The following HPCAL1 variants were observed in gnomAD, a reference collection of about 807,000 sequenced individuals.
HPCAL1 encodes the protein hippocalcin like 1.
HPCAL1 carries 8 observed loss-of-function variants against 17.1 expected under a neutral mutation model. The observed-to-expected ratio is 0.47, with a 90% confidence interval of 0.27 to 0.84. The LOEUF is 0.84. Ranked by LOEUF, HPCAL1 falls within the 40% of genes least tolerant of loss-of-function variation. The pLI is 0.13. For synonymous variants in HPCAL1, 112 were observed against 111.4 expected (o/e 1.01, Z -0.03); for missense variants, 165 against 271.1 (o/e 0.61, Z 2.75).
In HPCAL1 at chr2:10,359,656, T is replaced by A. The variant is rs1321015173; in HGVS notation, c.-110-37179T>A. Among the ~76,000 whole-genome samples, 1 of 152,174 alleles carries A rather than the reference T, an allele frequency of 6.6e-6. No homozygotes were observed. The highest frequency in any genetic ancestry group is 1.9e-4 in the East Asian group (1 of 5,180). On this transcript the variant is annotated intron_variant, in intron 1 of 4. Coordinates refer to ENST00000307845, the MANE Select transcript of HPCAL1 (RefSeq NM_002149.4). The surrounding 1 kb of genome is among the most constrained non-coding windows in gnomAD (Gnocchi z 4.1). Reference sequence around the variant, plus strand: ...AGCTCTGGTGGCCTTCCAGGCCCACTCAGTGGCTGGCGGTCCCACCTCCAA... The same window carrying A: ...AGCTCTGGTGGCCTTCCAGGCCCACACAGTGGCTGGCGGTCCCACCTCCAA...
At chr2:10,390,010 G>T (rs1438642880) in intron 1 of HPCAL1, among the ~76,000 whole-genome samples, 1 of 152,228 alleles carries the variant, frequency 6.6e-6, no homozygotes, top group African/African-American at 2.4e-5. Context: ...TGTGACAAGA[G>T]CTCAAATGCC....
chr2:10,303,548 A>G (rs998664797), intron 1 of HPCAL1, among the ~76,000 whole-genome samples: 1 of 152,054 alleles, frequency 6.6e-6, no homozygotes, highest in East Asian at 1.9e-4. Context: ...GTCCAGCCCC[A>G]CGCCCAGAGC....
chr2:10,423,029 A>C lies in HPCAL1; in HGVS notation c.425A>C (p.Glu142Ala), dbSNP rs1384227992. The C allele has an allele frequency of 6.2e-7, 1 of 1,613,610 alleles. No individual in the cohort carries two copies. The change falls in exon 4 of 5, where the codon GAG (glutamate) becomes GCG (alanine). Residue 142 changes from glutamate to alanine, a missense_variant. By Grantham distance (107) the Glu-to-Ala change is moderately radical. Coordinates refer to ENST00000307845, the MANE Select transcript of HPCAL1 (RefSeq NM_002149.4). ...VSSVMKMPED[E>A]STPEKRTDKI... is the part of the protein sequence containing the mutation. ...TCTGTGATGAAGATGCCGGAGGATG[A>C]GTCCACCCCGGAGAAGCGCACAGAC...
intron 1 of HPCAL1, among the ~76,000 whole-genome samples, chr2:10,376,002 A>G (rs556489264): frequency 6.6e-6 from 1 of 152,362 alleles, no homozygotes; most frequent in East Asian, 1.9e-4. Flanking sequence ...CAGATTCCTC[A>G]TGAATGGCTT....
At chr2:10,370,929 G>A (rs560086960) in intron 1 of HPCAL1, among the ~76,000 whole-genome samples, 69 of 152,228 alleles carry the variant, frequency 4.5e-4, no homozygotes, top group Non-Finnish European at 7.8e-4. Flanking sequence ...AGAATTGGAC[G>A]TGTGACGGGG....
At chr2:10,373,114 G>C (rs887974) in intron 1 of HPCAL1, among the ~76,000 whole-genome samples, 77,159 of 151,738 alleles carry the variant, frequency 0.51, 20,767 homozygotes, top group East Asian at 0.79. Flanking sequence ...AGAGCTGCGA[G>C]CCGGGGCCGG....
chr2:10,374,270 G>C (rs536932296), intron 1 of HPCAL1, among the ~76,000 whole-genome samples: 1 of 150,160 alleles, frequency 6.7e-6, no homozygotes, highest in Non-Finnish European at 1.5e-5. Context: ...TTATAAGAGT[G>C]ATGTAAGAAC....
chr2:10,414,441 T>C (rs975157798), intron 2 of HPCAL1, among the ~76,000 whole-genome samples: 4 of 152,190 alleles, frequency 2.6e-5, no homozygotes, highest in Non-Finnish European at 4.4e-5. Context: ...TCTCCTAGAA[T>C]TGCAGATGGC....
intron 1 of HPCAL1, among the ~76,000 whole-genome samples, chr2:10,351,175 T>C (rs1444316999): frequency 6.6e-6 from 1 of 152,236 alleles, no homozygotes; most frequent in Non-Finnish European, 1.5e-5. Flanking sequence ...AACTGATGAA[T>C]GGATAAACAA....
At chr2:10,305,447 C>T (rs1357192494) in intron 1 of HPCAL1, among the ~76,000 whole-genome samples, 2 of 152,212 alleles carry the variant, frequency 1.3e-5, no homozygotes, top group African/African-American at 4.8e-5. Context: ...AGGGAAGGCC[C>T]GGGGGCCCTG....
At chr2:10,337,938 A>T (rs1403075495) in intron 1 of HPCAL1, among the ~76,000 whole-genome samples, 1 of 152,182 alleles carries the variant, frequency 6.6e-6, no homozygotes, top group Admixed American at 6.5e-5. Flanking sequence ...GTATTTAGGT[A>T]TCACTGACTA....
chr2:10,403,726 G>A (rs191765599), intron 2 of HPCAL1, among the ~76,000 whole-genome samples: 27 of 151,876 alleles, frequency 1.8e-4, no homozygotes, highest in East Asian at 5.8e-4. Context: ...CAGGTGATCC[G>A]CCCACCTCAC....
At chr2:10,334,781 G>C (rs993365821) in intron 1 of HPCAL1, among the ~76,000 whole-genome samples, 3 of 150,386 alleles carry the variant, frequency 2.0e-5, no homozygotes, top group Non-Finnish European at 4.4e-5. Context: ...CACCTCCCAG[G>C]CTCAAGCAAT....
rs1163901100 is a variant in HPCAL1, at chr2:10,427,248, G to A, written c.*427G>A. On this transcript the variant is annotated 3_prime_UTR_variant, in exon 5 of 5. Coordinates refer to ENST00000307845, the MANE Select transcript of HPCAL1 (RefSeq NM_002149.4). ...GGAGGGTATACAGGGAGCCCCTCCC[G>A]TGCATGGCTGCCCCCCCGTTCATTT... 7 of 179,298 alleles carry A rather than the reference G, an allele frequency of 3.9e-5. No individual in the cohort carries two copies. Among genetic ancestry groups the A allele is most frequent in the South Asian group, 2.5e-4 (2 of 8,028 alleles). 11.1% of individuals were successfully genotyped at this position (179,298 alleles called of 1,614,324 possible). A position where few individuals can be genotyped will look rare whatever the true frequency, so the allele number is the denominator to read the frequency against.
At chr2:10,408,224 G>A (rs959637328) in intron 2 of HPCAL1, among the ~76,000 whole-genome samples, 1 of 152,220 alleles carries the variant, frequency 6.6e-6, no homozygotes, top group Admixed American at 6.5e-5. Flanking sequence ...AAAAGAAGGA[G>A]AGATTGGTAG....
intron 1 of HPCAL1, among the ~76,000 whole-genome samples, chr2:10,370,502 C>A (rs1222459656): frequency 6.6e-6 from 1 of 152,226 alleles, no homozygotes; most frequent in Non-Finnish European, 1.5e-5. Flanking sequence ...CTTCAAGGAG[C>A]AGAGGAGGGG....
intron 3 of HPCAL1, 65 bp from the exon 4 acceptor site, chr2:10,422,918 C>G (rs1671153402): frequency 1.7e-6 from 2 of 1,199,504 alleles, no homozygotes; most frequent in Non-Finnish European, 2.4e-6. Context: ...GGCGGAAGCC[C>G]ACCCTTGCTG....
chr2:10,405,824 G>A (rs966872084), intron 2 of HPCAL1, among the ~76,000 whole-genome samples: 34 of 152,206 alleles, frequency 2.2e-4, no homozygotes, highest in African/African-American at 7.2e-4. Flanking sequence ...ATGAAGGGGC[G>A]TCTAAAGCCT....
At chr2:10,312,591 GTCA>G (rs1341987750) in intron 1 of HPCAL1, among the ~76,000 whole-genome samples, 4 of 132,222 alleles carry the variant, frequency 3.0e-5, no homozygotes, top group South Asian at 2.5e-4. Context: ...CACCATCACT[GTCA>G]TCATCATCAC....
Sources: allele counts gnomAD v4.1 joint callset (sites outside exome capture counted in the v4.1 genomes callset), GRCh38; gene constraint gnomAD v4.1.1; non-coding constraint Gnocchi (gnomAD v3.1); transcripts MANE v1.5; gene names NCBI Gene and HGNC (gene_info 2026-07-23, HGNC 2026-07-21).